Variants in ADRA1A observed in about 807,000 individuals in gnomAD.
ADRA1A encodes the protein adrenoceptor alpha 1A.
A neutral mutation model predicts 29.6 loss-of-function variants in ADRA1A; 31 were observed. That is an observed-to-expected ratio of 1.05 (90% CI 0.79 to 1.41). ADRA1A has a LOEUF of 1.41. Among genes scored for constraint, ADRA1A ranks in the 40% most tolerant of loss-of-function variants. ADRA1A has a pLI of 0.00. For missense variants in ADRA1A, 619 were observed against 601.1 expected, an observed-to-expected ratio of 1.03 and a Z score of -0.31; for synonymous variants, 311 against 254.3, an observed-to-expected ratio of 1.22 and a Z score of -2.12.
chr8:26,801,386 C>T (rs1169442094), intron 2 of ADRA1A, among the ~76,000 whole-genome samples: 1 of 152,068 alleles, frequency 6.6e-6, no homozygotes, highest in Non-Finnish European at 1.5e-5. Context: ...AATCTAAAGA[C>T]CACACTGAAA....
rs1019309863 is a variant in ADRA1A at position 26,787,834 on chromosome 8, A to G, written c.884-17168T>C. On this transcript the variant is annotated intron_variant, in intron 2 of 2. Coordinates refer to ENST00000380573, the MANE Select transcript of ADRA1A (RefSeq NM_000680.4). This position sits in a 1 kb window ranked among gnomAD's most constrained non-coding sequence, Gnocchi z 4.2. ...CATTTGCTATCCCAGAGCTATGATC[A>G]GTTTCCTTCCTCTGCATGTAGCAGC... Among the ~76,000 whole-genome samples, 1 of 151,942 alleles carries G rather than the reference A, an allele frequency of 6.6e-6. No homozygotes were observed. The highest frequency in any genetic ancestry group is 2.4e-5 in the African/African-American group (1 of 41,394).
rs1468534323 is a variant in ADRA1A at position 26,805,722 on chromosome 8, C to CT, written c.884-35057dup. Among the ~76,000 whole-genome samples, 1 of 152,102 alleles carries CT rather than the reference C, an allele frequency of 6.6e-6. No individual in the cohort carries two copies. Among genetic ancestry groups the CT allele is most frequent in the Non-Finnish European group, 1.5e-5 (1 of 68,000 alleles). On this transcript the variant is annotated intron_variant, in intron 2 of 2. Coordinates refer to ENST00000380573, the MANE Select transcript of ADRA1A (RefSeq NM_000680.4). This position sits in a 1 kb window ranked among gnomAD's most constrained non-coding sequence, Gnocchi z 4.8. ...GCTATGAAAAGTATTACAAGGCTTT[C>CT]TTTTTTGTGTTGCTTCTACCTGGTA... is the stretch of plus-strand genomic sequence containing the variant.
At chr8:26,813,953 C>A (rs1378555233) in intron 2 of ADRA1A, among the ~76,000 whole-genome samples, 1 of 152,164 alleles carries the variant, frequency 6.6e-6, no homozygotes, top group African/African-American at 2.4e-5. Flanking sequence ...ACCTGCCAAG[C>A]CAAACCAGTG....
upstream of ADRA1A, chr8:26,867,349 C>A (rs1356231341): frequency 1.3e-5 from 13 of 984,992 alleles, no homozygotes; most frequent in Non-Finnish European, 1.4e-5. Context: ...GGCACAAGTG[C>A]GTATACAGCT....
chr8:26,856,026 G>T (rs1813020677), intron 2 of ADRA1A, among the ~76,000 whole-genome samples: 1 of 152,208 alleles, frequency 6.6e-6, no homozygotes, highest in South Asian at 2.1e-4. Flanking sequence ...GTCAGCTATT[G>T]TTCAAAGCAT....
chr8:26,758,366 T>C (rs1335123115), intron 2 of ADRA1A, among the ~76,000 whole-genome samples: 1 of 152,228 alleles, frequency 6.6e-6, no homozygotes, highest in East Asian at 1.9e-4. Flanking sequence ...CATGGCACTT[T>C]CAGTGCTTGA....
intron 2 of ADRA1A, among the ~76,000 whole-genome samples, chr8:26,832,640 A>T (rs1392880297): frequency 6.6e-6 from 1 of 152,116 alleles, no homozygotes; most frequent in Admixed American, 6.5e-5. Context: ...GAGAAAAATG[A>T]TGACACTTTA....
intron 2 of ADRA1A, among the ~76,000 whole-genome samples, chr8:26,816,533 ATGTGTGTGTG>A (rs59536491): frequency 2.4e-4 from 35 of 147,590 alleles, no homozygotes; most frequent in East Asian, 1.0e-3. Context: ...CTCATGGTGT[ATGTGTGTGTG>A]TGTGTGTGTG....
intron 2 of ADRA1A, among the ~76,000 whole-genome samples, chr8:26,859,775 T>C (rs1419841650): frequency 1.3e-5 from 2 of 151,450 alleles, no homozygotes; most frequent in African/African-American, 2.4e-5. Context: ...ATTTTTCTTT[T>C]TTTTTTTTTT....
At chr8:26,773,833 A>G (rs2130303472) in intron 2 of ADRA1A, among the ~76,000 whole-genome samples, 1 of 152,264 alleles carries the variant, frequency 6.6e-6, no homozygotes, top group African/African-American at 2.4e-5. Context: ...GCTGACCCAG[A>G]GCCAAGCTCT....
At chr8:26,778,994 C>G (rs936930737) in intron 2 of ADRA1A, 29 of 181,010 alleles carry the variant, frequency 1.6e-4, no homozygotes, top group Non-Finnish European at 2.8e-4. Context: ...TGCACAAAAT[C>G]TCTCCCTGAG....
At chr8:26,837,207 C>G (rs1389708993) in intron 2 of ADRA1A, among the ~76,000 whole-genome samples, 5 of 151,430 alleles carry the variant, frequency 3.3e-5, no homozygotes, top group African/African-American at 7.3e-5. Context: ...CCTCTTCAGG[C>G]TTTTTAAAAA....
In ADRA1A at chr8:26,769,212, A is replaced by G. The variant is rs1383091158; in HGVS notation, c.*937T>C. On this transcript the variant is annotated 3_prime_UTR_variant, in exon 3 of 3. Transcript: ENST00000380573. ...TTCTGGAACAGGTAAGTGATTTGTC[A>G]AGAAAGGCTTTTGTAAGCCATGTTG... 3.1e-5 allele frequency: 31 copies of G among 985,308 alleles called. No homozygotes were observed. The highest frequency in any genetic ancestry group is 6.1e-5 in the Admixed American group (1 of 16,274). 61.0% of individuals were successfully genotyped at this position (985,308 alleles called of 1,614,324 possible).
rs1390127119 is a variant in ADRA1A, at chr8:26,815,957, G to A, written c.884-45291C>T. 1.3e-5 allele frequency among the ~76,000 whole-genome samples: 2 copies of A among 152,176 alleles called. No homozygotes were observed. Among genetic ancestry groups the A allele is most frequent in the Non-Finnish European group, 2.9e-5 (2 of 68,022 alleles). On this transcript the variant is annotated intron_variant, in intron 2 of 2. Coordinates refer to ENST00000380573, the MANE Select transcript of ADRA1A (RefSeq NM_000680.4). This position sits in a 1 kb window ranked among gnomAD's most constrained non-coding sequence, Gnocchi z 4.2. Reference sequence around the variant, plus strand: ...AGCAAGGGAGGGGGCGTGTCCAGGTGCTGCTGGTTGCTTTATCATGAGCCT... The same window carrying A: ...AGCAAGGGAGGGGGCGTGTCCAGGTACTGCTGGTTGCTTTATCATGAGCCT...
chr8:26,837,263 A>T (rs1229741776), intron 2 of ADRA1A, among the ~76,000 whole-genome samples: 1 of 152,188 alleles, frequency 6.6e-6, no homozygotes, highest in African/African-American at 2.4e-5. Context: ...TGTGGGATAA[A>T]ATATCTCCAA....
intron 2 of ADRA1A, among the ~76,000 whole-genome samples, chr8:26,829,488 T>C (rs1810817792): frequency 6.6e-6 from 1 of 152,206 alleles, no homozygotes; most frequent in South Asian, 2.1e-4. Flanking sequence ...AATAGAATTT[T>C]CCTTGGTACT....
rs1017739577 is a variant in ADRA1A at position 26,823,829 on chromosome 8, C to T, written c.883+40258G>A. ...GTGAAGAACCCGAGGTACCATAAGA[C>T]TATGGCTTGGTCAAAACCCCACAAT... On this transcript the variant is annotated intron_variant, in intron 2 of 2. Transcript: ENST00000380573. The surrounding 1 kb of genome is among the most constrained non-coding windows in gnomAD (Gnocchi z 4.2). Among the ~76,000 whole-genome samples the T allele has an allele frequency of 1.3e-5, 2 of 152,202 alleles. No individual in the cohort carries two copies. The highest frequency in any genetic ancestry group is 2.9e-5 in the Non-Finnish European group (2 of 68,030).
intron 2 of ADRA1A, among the ~76,000 whole-genome samples, chr8:26,789,433 G>T (rs1807649414): frequency 6.6e-6 from 1 of 152,096 alleles, no homozygotes; most frequent in African/African-American, 2.4e-5. Flanking sequence ...TTTGATAAAT[G>T]GTGCTGGGAA....
At chr8:26,809,746 G>A (rs975510805) in intron 2 of ADRA1A, among the ~76,000 whole-genome samples, 3 of 152,226 alleles carry the variant, frequency 2.0e-5, no homozygotes, top group African/African-American at 7.2e-5. Context: ...AAAGCGCTGA[G>A]TAAGAGAAAG....
Sources: allele counts gnomAD v4.1 joint callset (sites outside exome capture counted in the v4.1 genomes callset), GRCh38; gene constraint gnomAD v4.1.1; non-coding constraint Gnocchi (gnomAD v3.1); transcripts MANE v1.5; gene names NCBI Gene and HGNC (gene_info 2026-07-23, HGNC 2026-07-21).